Variants in COMMD5 observed in about 807,000 individuals in gnomAD.
COMMD5 encodes COMM domain containing 5, also known as COMM domain-containing protein 5.
In COMMD5, 10 loss-of-function variants were observed where a neutral mutation model predicts 6.9. The ratio of observed to expected loss-of-function variants is 1.44; its 90% CI spans 0.89 to 2.45. COMMD5 has a LOEUF of 2.45. COMMD5 is among the 30% of genes most tolerant of loss of function. The probability of loss-of-function intolerance (pLI) is 0.00; values close to 1 mark genes in which losing one functional copy is unlikely to be tolerated. For missense variants in COMMD5, 234 were observed against 287.8 expected, an observed-to-expected ratio of 0.81 and a Z score of 1.35; for synonymous variants, 127 against 125.3, an observed-to-expected ratio of 1.01 and a Z score of -0.09.
In COMMD5 at chr8:144,850,469, T is replaced by A; in HGVS notation, c.*195A>T. 1 of 640,468 alleles carries A rather than the reference T, an allele frequency of 1.6e-6. No individual in the cohort carries two copies. The highest frequency in any genetic ancestry group is 2.8e-5 in the East Asian group (1 of 35,726). The allele number at this position is 640,468 out of a possible 1,614,324, so 39.7% of individuals were successfully genotyped here. A position where few individuals can be genotyped will look rare whatever the true frequency, so the allele number is the denominator to read the frequency against. Reference sequence around the variant, plus strand: ...CTATAGAAACATGTTTTTAGCTGCTTTACTTCCAAAAAGAAAAAAAGGCAT... The same window carrying A: ...CTATAGAAACATGTTTTTAGCTGCTATACTTCCAAAAAGAAAAAAAGGCAT... On this transcript the variant is annotated 3_prime_UTR_variant, in exon 2 of 2. Transcript: ENST00000305103. This position sits in a 1 kb window ranked among gnomAD's most constrained non-coding sequence, Gnocchi z 4.0.
chr8:144,838,584 C>A (rs1332908381), downstream of COMMD5: 1 of 159,960 alleles, frequency 6.3e-6, no homozygotes, highest in Non-Finnish European at 1.4e-5. Context: ...GGACCAGGTC[C>A]TACAGAGGCC....
chr8:144,846,565 C>T (rs571068978), downstream of COMMD5: 20 of 189,752 alleles, frequency 1.1e-4, no homozygotes, highest in Non-Finnish European at 2.0e-4. Flanking sequence ...ATTATTTTTC[C>T]TCTCAGCCCT....
At chr8:144,840,165 A>AC (rs1829690551), downstream of COMMD5, among the ~76,000 whole-genome samples, 6 of 152,358 alleles carry the variant, frequency 3.9e-5, no homozygotes, top group South Asian at 1.2e-3. Context: ...CCCTGTTGAA[A>AC]GAGCAGGCAT....
Position 144,841,748 on chromosome 8 carries a change from A to G in COMMD5, c.*117-5T>C, listed in dbSNP as rs572851313. 8.7e-6 allele frequency: 14 copies of G among 1,614,202 alleles called. No individual in the cohort carries two copies. In the South Asian group the frequency reaches 1.3e-4, roughly 15 times the overall value. On this transcript the variant is annotated splice_polypyrimidine_tract_variant and splice_region_variant and intron_variant and NMD_transcript_variant, in intron 1 of 1. Coordinates refer to the COMMD5 transcript ENST00000530332. ...AGAGCCACTTCAGATATCGCTCTGC[A>G]TTGGGAAATTAATACACAGAAAATT...
rs546644947 is a variant in COMMD5 at position 144,841,524 on chromosome 8, C to T, written c.*336G>A. On this transcript the variant is annotated 3_prime_UTR_variant and NMD_transcript_variant, in exon 2 of 2. Transcript: ENST00000530332. The stretch of plus-strand genomic sequence containing the variant: ...GGTTAGACAGTCATCTGGGCAGTCC[C>T]GGGCTGAAAGTGACAGGCTTTACCT... 5.8e-5 allele frequency: 93 copies of T among 1,614,162 alleles called. No individual in the cohort carries two copies. The Middle Eastern group carries it at 2.5e-3, about 43-fold the overall frequency.
chr8:144,853,521 C>G (rs921001477), upstream of COMMD5: 17 of 152,208 alleles, frequency 1.1e-4, no homozygotes, highest in African/African-American at 4.1e-4. Context: ...AGAGCTGCCC[C>G]GTTTCCCCTC....
intron 1 of COMMD5, chr8:144,841,785 A>G: frequency 6.2e-7 from 1 of 1,614,244 alleles, no homozygotes; most frequent in Admixed American, 1.7e-5. Context: ...GCAGATGTCA[A>G]GAATGCCAAA....
chr8:144,843,551 GC>G (rs1830280875), intron 1 of COMMD5: 1 of 142,110 alleles, frequency 7.0e-6, no homozygotes, highest in Non-Finnish European at 1.5e-5. Flanking sequence ...TCGCGCCACT[GC>G]ACTCCAGCCT....
At chr8:144,852,505 AGGCCACTCT>A (rs1294916568) in intron 1 of COMMD5, 3 of 152,454 alleles carry the variant, frequency 2.0e-5, no homozygotes, top group Non-Finnish European at 2.9e-5. Flanking sequence ...GGCACTTGTC[AGGCCACTCT>A]GCACAGCGCT....
At chr8:144,847,885 G>C (rs1026722750), downstream of COMMD5, among the ~76,000 whole-genome samples, 20 of 152,360 alleles carry the variant, frequency 1.3e-4, no homozygotes, top group South Asian at 2.1e-4. Context: ...AAGATGGACA[G>C]GGCTGGCCTC....
intron 1 of COMMD5, chr8:144,842,035 G>C: frequency 6.2e-7 from 1 of 1,614,126 alleles, no homozygotes; most frequent in Non-Finnish European, 8.5e-7. Context: ...CAGATGTGAG[G>C]AATGTGGAAA....
chr8:144,843,096 A>G (rs1428066303), intron 1 of COMMD5: 4 of 1,612,996 alleles, frequency 2.5e-6, no homozygotes, highest in Non-Finnish European at 3.4e-6. Flanking sequence ...AGCCTTATAA[A>G]TGCAATGACT....
At chr8:144,848,038 T>C (rs913918641), downstream of COMMD5, among the ~76,000 whole-genome samples, 40 of 152,244 alleles carry the variant, frequency 2.6e-4, no homozygotes, top group African/African-American at 9.4e-4. Flanking sequence ...AAAAATACTT[T>C]GTGACACATG....
At chr8:144,851,634 G>C (rs1209878) in intron 1 of COMMD5, among the ~76,000 whole-genome samples, 1 of 152,028 alleles carries the variant, frequency 6.6e-6, no homozygotes, top group Non-Finnish European at 1.5e-5. Flanking sequence ...AATTGGCAGA[G>C]AAGTAGGGGG....
downstream of COMMD5, chr8:144,837,978 T>C (rs935208393): frequency 2.9e-6 from 2 of 679,704 alleles, no homozygotes; most frequent in African/African-American, 1.8e-5. Flanking sequence ...ACTAGGAAGC[T>C]TAAAACAACA....
intron 1 of COMMD5, chr8:144,843,541 T>C (rs1830277442): frequency 2.8e-5 from 4 of 143,298 alleles, no homozygotes; most frequent in Non-Finnish European, 5.7e-5. Context: ...TGAGCTGAGA[T>C]CGCGCCACTG....
intron 1 of COMMD5, chr8:144,843,322 G>T (rs1400075800): frequency 8.1e-6 from 8 of 988,872 alleles, no homozygotes; most frequent in Admixed American, 3.0e-5. Flanking sequence ...GAGTGTGGTG[G>T]CTTATGCCTG....
intron 1 of COMMD5, chr8:144,843,116 C>T (rs374884854): frequency 1.2e-6 from 2 of 1,610,396 alleles, no homozygotes; most frequent in Non-Finnish European, 1.7e-6. Flanking sequence ...TGTGGCAAAG[C>T]TTTTAATCGT....
At chr8:144,838,032 C>T (rs568508807), downstream of COMMD5, 60 of 697,780 alleles carry the variant, frequency 8.6e-5, no homozygotes, top group Admixed American at 3.0e-4. Flanking sequence ...AATCTGAAAC[C>T]GGGGGGTCAG....
Sources: gnomAD v4.1 joint callset for allele counts (sites outside exome capture counted in the v4.1 genomes callset) on GRCh38, gnomAD v4.1.1 for gene constraint, Gnocchi (gnomAD v3.1) non-coding constraint, MANE v1.5 for transcripts, NCBI Gene and HGNC (gene_info 2026-07-23, HGNC 2026-07-21) for gene names.